The following ZSWIM6 variants were observed in gnomAD, a reference collection of about 807,000 sequenced individuals.
ZSWIM6 encodes the protein zinc finger SWIM-type containing 6.
In ZSWIM6, 9 loss-of-function variants were observed where a neutral mutation model predicts 113.2. The observed-to-expected ratio is 0.08, with a 90% CI of 0.05 to 0.14. The LOEUF (loss-of-function observed/expected upper bound fraction) is 0.14, where lower values mean the gene tolerates loss of function less well. Ranked by LOEUF, ZSWIM6 falls within the 10% of genes least tolerant of loss-of-function variation. The pLI, the probability that ZSWIM6 is intolerant of heterozygous loss-of-function variation, is 1.00. For synonymous variants in ZSWIM6, 611 were observed against 606.5 expected (o/e 1.01, Z -0.11); for missense variants, 1,162 against 1,552.2 (o/e 0.75, Z 4.22).
chr5:61,473,386 T>G (rs1371962579), intron 2 of ZSWIM6, among the ~76,000 whole-genome samples: 1 of 152,228 alleles, frequency 6.6e-6, no homozygotes, highest in Admixed American at 6.5e-5. Context: ...TTTTTTCATT[T>G]TCTTTTAAAA....
At chr5:61,469,832 C>G (rs373330843) in intron 1 of ZSWIM6, among the ~76,000 whole-genome samples, 1 of 152,214 alleles carries the variant, frequency 6.6e-6, no homozygotes, top group East Asian at 1.9e-4. Context: ...CTCAGCTCCC[C>G]GAGTAGCTGG....
At chr5:61,451,762 A>G (rs183328561) in intron 1 of ZSWIM6, among the ~76,000 whole-genome samples, 15 of 152,214 alleles carry the variant, frequency 9.9e-5, no homozygotes, top group African/African-American at 2.2e-4. Flanking sequence ...AGAAATTGCT[A>G]TTTTCTAGAT....
chr5:61,433,966 A>G (rs916869274), intron 1 of ZSWIM6, among the ~76,000 whole-genome samples: 2 of 149,404 alleles, frequency 1.3e-5, no homozygotes, highest in African/African-American at 4.9e-5. Context: ...ATACATGGCC[A>G]TGTCCATGTA....
chr5:61,506,407 AC>A (rs1748623635), intron 4 of ZSWIM6, among the ~76,000 whole-genome samples: 1 of 151,794 alleles, frequency 6.6e-6, no homozygotes. Flanking sequence ...ACACAGTGAA[AC>A]CCTATATCTA....
intron 2 of ZSWIM6, among the ~76,000 whole-genome samples, chr5:61,473,485 A>T (rs1348943205): frequency 3.9e-5 from 6 of 152,204 alleles, no homozygotes; most frequent in Admixed American, 3.9e-4. Context: ...GCTTGTTTAG[A>T]GAGAATTTAG....
At chr5:61,365,626 A>G (rs1262746061) in intron 1 of ZSWIM6, among the ~76,000 whole-genome samples, 1 of 152,160 alleles carries the variant, frequency 6.6e-6, no homozygotes, top group Non-Finnish European at 1.5e-5. Context: ...AATCCATTGA[A>G]GACTTTGTCT....
chr5:61,456,753 G>A (rs1275340805), intron 1 of ZSWIM6, among the ~76,000 whole-genome samples: 1 of 152,158 alleles, frequency 6.6e-6, no homozygotes, highest in African/African-American at 2.4e-5. Flanking sequence ...AAGAGAACCA[G>A]TTAGACCAGT....
chr5:61,445,491 A>G (rs1746931204), intron 1 of ZSWIM6, among the ~76,000 whole-genome samples: 1 of 152,218 alleles, frequency 6.6e-6, no homozygotes, highest in Admixed American at 6.5e-5. Context: ...CCCAACAGTG[A>G]TAAAACGCTT....
intron 9 of ZSWIM6, among the ~76,000 whole-genome samples, chr5:61,534,229 A>G (rs1242191808): frequency 6.6e-6 from 1 of 152,264 alleles, no homozygotes; most frequent in African/African-American, 2.4e-5. Context: ...TAAAACATTT[A>G]AAATTAAAGA....
chr5:61,333,643 G>T (rs1212025838), intron 1 of ZSWIM6, among the ~76,000 whole-genome samples: 1 of 149,580 alleles, frequency 6.7e-6, no homozygotes, highest in Admixed American at 6.9e-5. Flanking sequence ...AAGCGGCGCA[G>T]AGGAGAGGTG....
chr5:61,505,495 C>T (rs147165180), intron 4 of ZSWIM6, among the ~76,000 whole-genome samples: 2,523 of 152,150 alleles, frequency 0.017, 27 homozygotes, highest in Non-Finnish European at 0.026. Flanking sequence ...ACTGCACCAA[C>T]AAATCAAATG....
intron 1 of ZSWIM6, among the ~76,000 whole-genome samples, chr5:61,467,724 C>G (rs80007114): frequency 0.046 from 6,926 of 152,194 alleles, 326 homozygotes; most frequent in Admixed American, 0.15. Context: ...ACAAAATCAA[C>G]TATTTGTGAG....
In ZSWIM6 at chr5:61,332,884, G is replaced by T. The variant is rs1744294452; in HGVS notation, c.612G>T (p.Arg204=). 3 of 1,323,020 alleles carry T rather than the reference G, an allele frequency of 2.3e-6. No individual in the cohort carries two copies. Among genetic ancestry groups the T allele is most frequent in the South Asian group, 1.6e-5 (1 of 60,652 alleles). 82.0% of individuals were successfully genotyped at this position (1,323,020 alleles called of 1,614,324 possible). ...AGAADGGDET[R]LPFRRGIALL... ...CGGCGGACGGCGGCGACGAGACGCG[G>T]CTGCCTTTCCGCCGGGGCATCGCGC... Residue 204 remains arginine, a synonymous_variant, in exon 1 of 14, where the codon CGG becomes CGT. Transcript: ENST00000252744.
chr5:61,442,329 C>T (rs767764745), intron 1 of ZSWIM6, among the ~76,000 whole-genome samples: 55 of 152,122 alleles, frequency 3.6e-4, no homozygotes, highest in Non-Finnish European at 5.7e-4. Flanking sequence ...GGGCCAGTTT[C>T]GGTCCCACCC....
chr5:61,543,762 T>C lies in ZSWIM6; in HGVS notation c.3093T>C (p.Phe1031=). Residue 1031 remains phenylalanine, a synonymous_variant, in exon 14 of 14, where the codon TTT becomes TTC. Coordinates refer to ENST00000252744, the MANE Select transcript of ZSWIM6 (RefSeq NM_020928.2). The surrounding 1 kb of genome is among the most constrained non-coding windows in gnomAD (Gnocchi z 4.3). ...ATTGMSYTQL[F]TIARYMEHRG... is the part of the protein sequence containing the mutation. ...CTGGCATGAGCTATACACAGCTCTTTACAATAGCACGGTACATGGAGCACC... is the reference window on the plus strand; with the variant it reads ...CTGGCATGAGCTATACACAGCTCTTCACAATAGCACGGTACATGGAGCACC... 6.4e-7 allele frequency: 1 copy of C among 1,551,798 alleles called. No individual in the cohort carries two copies. Among genetic ancestry groups the C allele is most frequent in the Non-Finnish European group, 8.7e-7 (1 of 1,147,006 alleles).
At chr5:61,426,380 CA>C (rs1170753149) in intron 1 of ZSWIM6, among the ~76,000 whole-genome samples, 1 of 152,050 alleles carries the variant, frequency 6.6e-6, no homozygotes, top group African/African-American at 2.4e-5. Context: ...CATTTTACAC[CA>C]TTTGCTTTAC....
intron 1 of ZSWIM6, among the ~76,000 whole-genome samples, chr5:61,457,963 C>G (rs181202725): frequency 1.5e-3 from 225 of 152,260 alleles, no homozygotes; most frequent in African/African-American, 5.3e-3. Context: ...AGTTATTTCT[C>G]AAATTTCCCC....
intron 1 of ZSWIM6, among the ~76,000 whole-genome samples, chr5:61,383,127 T>C (rs1296933055): frequency 6.6e-6 from 1 of 152,242 alleles, no homozygotes; most frequent in East Asian, 1.9e-4. Context: ...TCATCTTACT[T>C]GAAAATGTAA....
intron 10 of ZSWIM6, among the ~76,000 whole-genome samples, chr5:61,536,450 A>C (rs1237251126): frequency 6.6e-6 from 1 of 152,214 alleles, no homozygotes. Flanking sequence ...AAATTAATAA[A>C]ACACTCCTGT....
Sources: gnomAD v4.1 joint callset for allele counts (sites outside exome capture counted in the v4.1 genomes callset) on GRCh38, gnomAD v4.1.1 for gene constraint, Gnocchi (gnomAD v3.1) non-coding constraint, MANE v1.5 for transcripts, NCBI Gene and HGNC (gene_info 2026-07-23, HGNC 2026-07-21) for gene names.